The following DPF3 variants were observed in gnomAD, a reference collection of about 807,000 sequenced individuals.
DPF3 encodes the protein zinc finger protein DPF3.
DPF3 carries 18 observed loss-of-function variants against 56.8 expected under a neutral mutation model. The observed-to-expected ratio is 0.32, with a 90% CI of 0.22 to 0.47. The LOEUF is 0.47. Among genes scored for constraint, DPF3 ranks in the 20% least tolerant of loss-of-function variants. The probability of loss-of-function intolerance (pLI) is 1.00; values close to 1 mark genes in which losing one functional copy is unlikely to be tolerated. For missense variants in DPF3, 403 were observed against 488.8 expected, an observed-to-expected ratio of 0.82 and a Z score of 1.65; for synonymous variants, 188 against 180.2, an observed-to-expected ratio of 1.04 and a Z score of -0.35.
chr14:72,757,401 T>C (rs1890883901), intron 2 of DPF3, among the ~76,000 whole-genome samples: 1 of 152,110 alleles, frequency 6.6e-6, no homozygotes, highest in Admixed American at 6.6e-5. Flanking sequence ...TCAAAATCTA[T>C]CTCCCTATAA....
rs1013171142 is a variant in DPF3 at position 72,610,445 on chromosome 14, T to A, written c.*8852A>T. Among the ~76,000 whole-genome samples, 2 of 152,180 alleles carry A rather than the reference T, an allele frequency of 1.3e-5. No homozygotes were observed. The highest frequency in any genetic ancestry group is 4.8e-5 in the African/African-American group (2 of 41,446). ...CAAAGCCACTGGACCAGCCTGTCCC[T>A]GAGAAGAGACACAGAGGGGCTTCAG... On this transcript the variant is annotated 3_prime_UTR_variant, in exon 11 of 11. Transcript: ENST00000556509.
chr14:72,782,870 C>T (rs1440105883), intron 1 of DPF3, among the ~76,000 whole-genome samples: 1 of 151,930 alleles, frequency 6.6e-6, no homozygotes, highest in Non-Finnish European at 1.5e-5. Context: ...CCATGGCATT[C>T]TCTCCTACTA....
chr14:72,769,505 C>T (rs544448685), intron 2 of DPF3, among the ~76,000 whole-genome samples: 139 of 152,120 alleles, frequency 9.1e-4, no homozygotes, highest in African/African-American at 3.2e-3. Context: ...CATGGTGAAA[C>T]CCCATCTCTG....
chr14:72,762,999 T>C (rs1296221564), intron 2 of DPF3, among the ~76,000 whole-genome samples: 1 of 151,904 alleles, frequency 6.6e-6, no homozygotes, highest in Non-Finnish European at 1.5e-5. Flanking sequence ...TAAAAATTTA[T>C]TTATAATAGT....
intron 6 of DPF3, among the ~76,000 whole-genome samples, chr14:72,701,167 C>G (rs888058190): frequency 6.6e-6 from 1 of 152,190 alleles, no homozygotes; most frequent in Non-Finnish European, 1.5e-5. Flanking sequence ...TCTCCTTCCC[C>G]GGGGGCAAGC....
intron 1 of DPF3, among the ~76,000 whole-genome samples, chr14:72,861,560 C>A (rs967295044): frequency 1.3e-5 from 2 of 152,022 alleles, no homozygotes; most frequent in Non-Finnish European, 2.9e-5. Flanking sequence ...CTAATATAAC[C>A]AGTGACCTCC....
chr14:72,713,375 C>A (rs1425576628), intron 6 of DPF3, among the ~76,000 whole-genome samples: 1 of 152,176 alleles, frequency 6.6e-6, no homozygotes, highest in Non-Finnish European at 1.5e-5. Flanking sequence ...AAGGGGGAGA[C>A]AAAAGACACC....
chr14:72,799,788 A>G (rs999261180), intron 1 of DPF3, among the ~76,000 whole-genome samples: 9 of 152,090 alleles, frequency 5.9e-5, no homozygotes, highest in African/African-American at 1.9e-4. Context: ...TTCTCTTAGT[A>G]TGGAAAGGCA....
intron 8 of DPF3, among the ~76,000 whole-genome samples, chr14:72,649,067 C>T (rs1381767103): frequency 6.6e-6 from 1 of 152,078 alleles, no homozygotes; most frequent in Non-Finnish European, 1.5e-5. Flanking sequence ...CCAGTTCTTC[C>T]TTTTATGTGG....
chr14:72,863,146 ATGTGTG>A (rs57171669), intron 1 of DPF3, among the ~76,000 whole-genome samples: 86 of 140,732 alleles, frequency 6.1e-4, no homozygotes, highest in East Asian at 4.7e-3. Context: ...GTATATATAT[ATGTGTG>A]TGTGTGTGTG....
At chr14:72,662,756 A>T in intron 8 of DPF3, 1 of 993,696 alleles carries the variant, frequency 1.0e-6, no homozygotes, top group Non-Finnish European at 1.2e-6. Flanking sequence ...AGGAGGTGCC[A>T]ATCATCCTGG....
intron 7 of DPF3, among the ~76,000 whole-genome samples, chr14:72,684,185 T>C (rs1471140726): frequency 6.6e-6 from 1 of 152,094 alleles, no homozygotes; most frequent in Non-Finnish European, 1.5e-5. Context: ...TAGCTGGGAT[T>C]ATAGGCATGC....
At chr14:72,718,769 C>CTTTTTTTTTTTTTTT (rs1172947236) in intron 5 of DPF3, among the ~76,000 whole-genome samples, 7 of 14,754 alleles carry the variant, frequency 4.7e-4, no homozygotes, top group East Asian at 3.1e-3. Flanking sequence ...TACACCCTTG[C>CTTTTTTTTTTTTTTT]TATTTTTTTT....
At chr14:72,679,583 C>T (rs1159089777) in intron 7 of DPF3, among the ~76,000 whole-genome samples, 2 of 152,234 alleles carry the variant, frequency 1.3e-5, no homozygotes, top group Non-Finnish European at 2.9e-5. Context: ...CGCCTCTCCT[C>T]GCCCCTCTCG....
chr14:72,671,166 C>T (rs766035140), intron 8 of DPF3: 59 of 1,613,696 alleles, frequency 3.7e-5, no homozygotes, highest in Non-Finnish European at 4.7e-5. Flanking sequence ...CTGCTGTGGG[C>T]GAACCCCGGC....
At chr14:72,784,150 G>A (rs768296612) in intron 1 of DPF3, among the ~76,000 whole-genome samples, 6 of 152,098 alleles carry the variant, frequency 3.9e-5, no homozygotes, top group East Asian at 1.9e-4. Flanking sequence ...TTCACCCGCC[G>A]CAAAGTTGAG....
intron 1 of DPF3, among the ~76,000 whole-genome samples, chr14:72,800,756 G>GGGTGGATA (rs138462878): frequency 6.6e-6 from 1 of 150,940 alleles, no homozygotes; most frequent in African/African-American, 2.4e-5. Context: ...ATGGATGGGT[G>GGGTGGATA]CATGGGTGGA....
chr14:72,681,878 TC>T (rs979916362), intron 7 of DPF3, among the ~76,000 whole-genome samples: 9 of 152,266 alleles, frequency 5.9e-5, no homozygotes, highest in African/African-American at 2.2e-4. Flanking sequence ...CAACCCTAGG[TC>T]TGCCATTAAT....
At chr14:72,735,702 C>T (rs184897309) in intron 3 of DPF3, among the ~76,000 whole-genome samples, 1 of 152,306 alleles carries the variant, frequency 6.6e-6, no homozygotes, top group East Asian at 1.9e-4. Flanking sequence ...TTCAGACAGC[C>T]CTGGAGTCAA....
Sources: gnomAD v4.1 joint callset for allele counts (sites outside exome capture counted in the v4.1 genomes callset) on GRCh38, gnomAD v4.1.1 for gene constraint, MANE v1.5 for transcripts, NCBI Gene and HGNC (gene_info 2026-07-23, HGNC 2026-07-21) for gene names.